Variants in PKHD1 observed in about 807,000 individuals in gnomAD.
PKHD1 encodes PKHD1 ciliary IPT domain containing fibrocystin/polyductin, also known as fibrocystin.
A neutral mutation model predicts 412.0 loss-of-function variants in PKHD1; 291 were observed. The observed-to-expected ratio is 0.71, with a 90% CI of 0.64 to 0.78. PKHD1 has a LOEUF of 0.78. PKHD1 is among the 30% of genes least tolerant of loss of function. The pLI, the probability that PKHD1 is intolerant of heterozygous loss-of-function variation, is 0.00. For missense variants in PKHD1, 4,825 were observed against 4,950.7 expected (o/e 0.97, Z 0.76); for synonymous variants, 1,777 against 1,821.5 (o/e 0.98, Z 0.62).
At chr6:51,696,971 T>C (rs1778874518) in intron 60 of PKHD1, among the ~76,000 whole-genome samples, 4 of 152,098 alleles carry the variant, frequency 2.6e-5, no homozygotes, top group Admixed American at 2.6e-4. Flanking sequence ...AGCAGATCAC[T>C]TGAGGGCAAG....
intron 37 of PKHD1, among the ~76,000 whole-genome samples, chr6:51,923,091 C>A (rs1784956250): frequency 6.6e-6 from 1 of 152,044 alleles, no homozygotes; most frequent in African/African-American, 2.4e-5. Flanking sequence ...CCCGTTTTGC[C>A]AAATTTTTAA....
intron 35 of PKHD1, among the ~76,000 whole-genome samples, chr6:51,981,201 C>A (rs1486195661): frequency 6.7e-6 from 1 of 148,892 alleles, no homozygotes; most frequent in Non-Finnish European, 1.5e-5. Flanking sequence ...CTACACTCTA[C>A]CTCTACTCCG....
At chr6:51,667,662 G>A (rs1410996241) in intron 60 of PKHD1, among the ~76,000 whole-genome samples, 1 of 150,636 alleles carries the variant, frequency 6.6e-6, no homozygotes, top group East Asian at 1.9e-4. Flanking sequence ...TTTCTTCTAG[G>A]GTTTTTATGG....
chr6:52,042,921 T>A lies in PKHD1; in HGVS notation c.3035A>T (p.Asp1012Val). 6.2e-7 allele frequency: 1 copy of A among 1,613,844 alleles called. No individual in the cohort carries two copies. The highest frequency in any genetic ancestry group is 1.1e-5 in the South Asian group (1 of 91,060). Residue 1012 changes from aspartate (D) to valine (V), a missense_variant, in exon 27 of 67, where the codon GAC (aspartate) becomes GTC (valine). Physicochemically the swap from Asp to Val is radical, Grantham distance 152. Coordinates refer to ENST00000371117, the MANE Select transcript of PKHD1 (RefSeq NM_138694.4). ...SGLAISATGE[D>V]LFLNVKPRLD... ...TCTAGGTTTCACATTTAGGAAGAGG[T>A]CTTCTCCAGTGGCACTGATGGCAAG...
chr6:51,625,845 A>G (rs1430117886), intron 66 of PKHD1, among the ~76,000 whole-genome samples: 1 of 152,168 alleles, frequency 6.6e-6, no homozygotes, highest in Non-Finnish European at 1.5e-5. Flanking sequence ...AATATGGTCA[A>G]GAGGCTTCTA....
intron 55 of PKHD1, among the ~76,000 whole-genome samples, chr6:51,755,177 C>T (rs1428061814): frequency 1.3e-5 from 2 of 151,988 alleles, no homozygotes; most frequent in Non-Finnish European, 2.9e-5. Context: ...TTCGATGACC[C>T]CTGAAATACA....
intron 22 of PKHD1, among the ~76,000 whole-genome samples, chr6:52,049,894 G>A (rs1806507212): frequency 6.6e-6 from 1 of 152,172 alleles, no homozygotes; most frequent in Non-Finnish European, 1.5e-5. Flanking sequence ...CCCCAGACCA[G>A]CAGAATCAGC....
chr6:52,060,377 A>G (rs201647796), intron 14 of PKHD1, among the ~76,000 whole-genome samples: 1 of 152,230 alleles, frequency 6.6e-6, no homozygotes, highest in Non-Finnish European at 1.5e-5. Flanking sequence ...AGCTCAATCT[A>G]TAGTAAATAC....
chr6:51,736,804 C>T (rs1157011772), intron 60 of PKHD1, among the ~76,000 whole-genome samples: 1 of 152,070 alleles, frequency 6.6e-6, no homozygotes, highest in Non-Finnish European at 1.5e-5. Flanking sequence ...TACCATCTTG[C>T]TGTCATTCTC....
intron 41 of PKHD1, among the ~76,000 whole-genome samples, chr6:51,905,954 T>C (rs1667228537): frequency 1.3e-5 from 2 of 152,222 alleles, no homozygotes; most frequent in Admixed American, 1.3e-4. Context: ...TGAAAATTAC[T>C]GGTAGTAAAC....
intron 34 of PKHD1, among the ~76,000 whole-genome samples, chr6:52,016,635 C>CAAAAAAAAAA (rs10579713): frequency 5.0e-5 from 6 of 118,876 alleles, no homozygotes; most frequent in Non-Finnish European, 6.8e-5. Flanking sequence ...GACTCTGTCT[C>CAAAAAAAAAA]AAAAAAAAAA....
intron 37 of PKHD1, among the ~76,000 whole-genome samples, chr6:51,920,218 A>T (rs1027529948): frequency 6.6e-6 from 1 of 152,216 alleles, no homozygotes; most frequent in Non-Finnish European, 1.5e-5. Flanking sequence ...TTTCAAAGGG[A>T]ATGCTTCTGG....
At chr6:52,080,622 T>C (rs1811894529) in intron 4 of PKHD1, among the ~76,000 whole-genome samples, 2 of 152,186 alleles carry the variant, frequency 1.3e-5, no homozygotes. Flanking sequence ...CCCAACAAAA[T>C]CTTTAGTATG....
intron 37 of PKHD1, among the ~76,000 whole-genome samples, chr6:51,925,599 G>A (rs1214955613): frequency 6.6e-6 from 1 of 152,182 alleles, no homozygotes. Context: ...AAAAGGCTGA[G>A]TATGAAGTAA....
At chr6:51,935,833 A>G (rs13340443) in intron 36 of PKHD1, among the ~76,000 whole-genome samples, 434 of 152,348 alleles carry the variant, frequency 2.8e-3, no homozygotes, top group African/African-American at 0.01. Context: ...TATCAAAAAT[A>G]TCGGAAATAT....
chr6:51,907,297 T>C (rs940387888), intron 40 of PKHD1, among the ~76,000 whole-genome samples: 1 of 152,122 alleles, frequency 6.6e-6, no homozygotes, highest in African/African-American at 2.4e-5. Context: ...GTTGGGACTA[T>C]CCAAAAAATT....
At chr6:51,893,067 A>G (rs1328025710) in intron 43 of PKHD1, among the ~76,000 whole-genome samples, 1 of 152,200 alleles carries the variant, frequency 6.6e-6, no homozygotes, top group African/African-American at 2.4e-5. Context: ...ATAAGAACCG[A>G]GGGCCAGAGA....
At position 52,080,011 on chromosome 6, in the gene PKHD1, G is replaced by A. The variant is rs535210707; in HGVS notation, c.282-3C>T. 55 of 1,552,892 alleles carry A rather than the reference G, an allele frequency of 3.5e-5. No homozygotes were observed. The Admixed American group carries it at 5.7e-4, about 16-fold the overall frequency. ...CATGTGCTTCAGACAGCACAGATCTGAGGACAGAAAGTGGAAATCCTTATG... is the reference window on the plus strand; with the variant it reads ...CATGTGCTTCAGACAGCACAGATCTAAGGACAGAAAGTGGAAATCCTTATG... On this transcript the variant is annotated splice_polypyrimidine_tract_variant and splice_region_variant and intron_variant, in intron 4 of 66. Coordinates refer to ENST00000371117, the MANE Select transcript of PKHD1 (RefSeq NM_138694.4).
At chr6:51,635,473 A>G (rs900850903) in intron 64 of PKHD1, among the ~76,000 whole-genome samples, 1 of 152,160 alleles carries the variant, frequency 6.6e-6, no homozygotes, top group Non-Finnish European at 1.5e-5. Flanking sequence ...ATTTGTAGCT[A>G]TGATGCACCA....
Sources: gnomAD v4.1 joint callset for allele counts (sites outside exome capture counted in the v4.1 genomes callset) on GRCh38, gnomAD v4.1.1 for gene constraint, MANE v1.5 for transcripts, NCBI Gene and HGNC (gene_info 2026-07-23, HGNC 2026-07-21) for gene names.